Variants in SYNE1 observed in about 807,000 individuals in gnomAD.
The protein encoded by SYNE1 is nesprin-1.
In SYNE1, 616 loss-of-function variants were observed where a neutral mutation model predicts 1,111.0. The observed-to-expected ratio is 0.55, with a 90% confidence interval of 0.52 to 0.59. The LOEUF is 0.59. SYNE1 is among the 20% of genes least tolerant of loss of function. The probability of loss-of-function intolerance (pLI) is 0.00; values close to 1 mark genes in which losing one functional copy is unlikely to be tolerated. For synonymous variants in SYNE1, 3,855 were observed against 3,825.8 expected (o/e 1.01, Z -0.28); for missense variants, 10,006 against 10,417.0 (o/e 0.96, Z 1.72).
chr6:152,198,851 T>G (rs2074751892), intron 127 of SYNE1, among the ~76,000 whole-genome samples: 1 of 152,016 alleles, frequency 6.6e-6, no homozygotes, highest in African/African-American at 2.4e-5. Flanking sequence ...GTAACAAATA[T>G]AACAGTAAAG....
intron 85 of SYNE1, 68 bp from the exon 86 acceptor site, chr6:152,318,331 C>G (rs1046198036): frequency 3.2e-6 from 5 of 1,568,540 alleles, no homozygotes; most frequent in Non-Finnish European, 4.4e-6. Flanking sequence ...TTCCCGAGAT[C>G]AGACTGATTT....
chr6:152,154,340 A>T (rs1171813439), intron 133 of SYNE1, among the ~76,000 whole-genome samples: 2 of 152,120 alleles, frequency 1.3e-5, no homozygotes, highest in African/African-American at 4.8e-5. Flanking sequence ...AGTGTAATTG[A>T]AAAGTTTTGG....
chr6:152,436,147 AT>A (rs2098472220), intron 32 of SYNE1, 46 bp from the exon 33 acceptor site: 2 of 1,599,604 alleles, frequency 1.3e-6, no homozygotes, highest in Admixed American at 1.7e-5. Context: ...TATATTATTT[AT>A]CTCTGCCCTC....
At chr6:152,450,922 C>T (rs987726508) in intron 26 of SYNE1, 89 bp from the exon 27 acceptor site, 202 of 1,592,548 alleles carry the variant, frequency 1.3e-4, no homozygotes, top group South Asian at 2.0e-4. Flanking sequence ...AAGATTCCCA[C>T]GCAGACTACC....
Position 152,249,220 on chromosome 6 carries a change from A to T in SYNE1, c.19513T>A (p.Tyr6505Asn), listed in dbSNP as rs898251519. 1 of 1,614,078 alleles carries T rather than the reference A, an allele frequency of 6.2e-7. No homozygotes were observed. Among genetic ancestry groups the T allele is most frequent in the Non-Finnish European group, 8.5e-7 (1 of 1,179,962 alleles). The change falls in exon 105 of 146, where the codon TAC (tyrosine) becomes AAC (asparagine). Residue 6505 changes from tyrosine (Y) to asparagine (N), a missense_variant. Tyr to Asn is a moderately radical substitution (Grantham distance 143). Coordinates refer to ENST00000367255, the MANE Select transcript of SYNE1 (RefSeq NM_182961.4). ...TTTGCCAGTTTTTGCAGAATGATGT[A>T]TTTGTTGTCAGCCAGTGATGTAAAC... ...VLFTSLADNKYIILQKLANVF... is the reference protein window; with the variant it reads ...VLFTSLADNKNIILQKLANVF...
chr6:152,208,298 G>A lies in SYNE1; in HGVS notation c.22590-92C>T, dbSNP rs554191093. The A allele has an allele frequency of 3.1e-4, 360 of 1,142,956 alleles. 1 individual carries two copies. In the South Asian group the frequency reaches 3.8e-3, roughly 12 times the overall value. The allele number at this position is 1,142,956 out of a possible 1,614,324, so 70.8% of individuals were successfully genotyped here. A position where few individuals can be genotyped will look rare whatever the true frequency, so the allele number is the denominator to read the frequency against. ...ATGTATACACTGTCAACAACCCTAA[G>A]CCCTGAGAAGTGATCTAGGGCGGTG... On this transcript the variant is annotated intron_variant, in intron 124 of 145. Coordinates refer to ENST00000367255, the MANE Select transcript of SYNE1 (RefSeq NM_182961.4).
chr6:152,605,033 AGAGGGAGGGAGGGAGG>A (rs1233315733), intron 3 of SYNE1, among the ~76,000 whole-genome samples: 3 of 25,436 alleles, frequency 1.2e-4, no homozygotes, highest in Non-Finnish European at 2.0e-4. Context: ...AGAGAGAGAG[AGAGGGAGGGAGGGAGG>A]GAGGGAGGGA....
At chr6:152,534,746 C>T (rs373359755) in intron 4 of SYNE1, among the ~76,000 whole-genome samples, 2 of 152,072 alleles carry the variant, frequency 1.3e-5, no homozygotes, top group Non-Finnish European at 2.9e-5. Context: ...AAATTCTATT[C>T]GGAACATGTT....
intron 91 of SYNE1, among the ~76,000 whole-genome samples, chr6:152,302,579 T>C (rs926588388): frequency 1.3e-5 from 2 of 152,216 alleles, no homozygotes; most frequent in Admixed American, 6.5e-5. Context: ...AGCCTGTCTG[T>C]TCCTATGTCT....
chr6:152,570,453 G>C (rs549476198), intron 3 of SYNE1, among the ~76,000 whole-genome samples: 5 of 152,262 alleles, frequency 3.3e-5, no homozygotes, highest in Middle Eastern at 6.8e-3. Context: ...AGGTAGATGG[G>C]GTAGTCAGTG....
chr6:152,384,707 C>T (rs913715451), intron 55 of SYNE1, among the ~76,000 whole-genome samples: 1 of 151,990 alleles, frequency 6.6e-6, no homozygotes. Flanking sequence ...GAAGCCCCGT[C>T]TCTACTAAAA....
chr6:152,345,674 C>T (rs931946984), intron 73 of SYNE1, among the ~76,000 whole-genome samples: 2 of 151,924 alleles, frequency 1.3e-5, no homozygotes, highest in Admixed American at 1.3e-4. Flanking sequence ...ACTGGTATAT[C>T]ATCAGTTCTT....
At chr6:152,617,077 G>GCC (rs1196454786) in intron 3 of SYNE1, among the ~76,000 whole-genome samples, 1 of 152,136 alleles carries the variant, frequency 6.6e-6, no homozygotes, top group Admixed American at 6.6e-5. Context: ...CTCGGAGACT[G>GCC]AAGTCCCTCA....
intron 14 of SYNE1, chr6:152,472,619 C>T: frequency 1.4e-6 from 1 of 703,448 alleles, no homozygotes; most frequent in Non-Finnish European, 2.6e-6. Flanking sequence ...GCTGGAACTG[C>T]ATCTAATAAT....
Position 152,293,745 on chromosome 6 carries a change from C to A in SYNE1, c.17855G>T (p.Ser5952Ile). Residue 5952 changes from serine (S) to isoleucine (I), a missense_variant, in exon 95 of 146, where the codon AGT (serine) becomes ATT (isoleucine). Transcript: ENST00000367255. Reference sequence around the variant, plus strand: ...TTCATAGAGTGTGCGCTGCTTCTCACTGATCTACACCAGAAAAGGGATATT... The same window carrying A: ...TTCATAGAGTGTGCGCTGCTTCTCAATGATCTACACCAGAAAAGGGATATT... ...RSWETLKNVISEKQRTLYEAL... is the reference protein window; with the variant it reads ...RSWETLKNVIIEKQRTLYEAL... 2 of 1,586,482 alleles carry A rather than the reference C, an allele frequency of 1.3e-6. No individual in the cohort carries two copies. Among genetic ancestry groups the A allele is most frequent in the Non-Finnish European group, 1.7e-6 (2 of 1,167,816 alleles).
At chr6:152,587,436 A>G (rs943688459) in intron 3 of SYNE1, among the ~76,000 whole-genome samples, 8 of 152,186 alleles carry the variant, frequency 5.3e-5, no homozygotes, top group Non-Finnish European at 1.0e-4. Context: ...ACTGTGATAC[A>G]TATCACTGAA....
At chr6:152,388,842 T>C (rs1463420862) in intron 53 of SYNE1, among the ~76,000 whole-genome samples, 1 of 152,252 alleles carries the variant, frequency 6.6e-6, no homozygotes, top group African/African-American at 2.4e-5. Context: ...TAACATCTTA[T>C]TCTAACATCT....
chr6:152,269,789 T>C (rs2093050264), intron 98 of SYNE1, among the ~76,000 whole-genome samples: 1 of 152,166 alleles, frequency 6.6e-6, no homozygotes, highest in African/African-American at 2.4e-5. Flanking sequence ...TAAAAGATTA[T>C]TAATCAAAGA....
intron 3 of SYNE1, among the ~76,000 whole-genome samples, chr6:152,605,043 A>G (rs1462098602): frequency 2.9e-5 from 1 of 34,910 alleles, no homozygotes; most frequent in African/African-American, 1.2e-4. Context: ...AGAGGGAGGG[A>G]GGGAGGGAGG....
Sources: allele counts gnomAD v4.1 joint callset (sites outside exome capture counted in the v4.1 genomes callset), GRCh38; gene constraint gnomAD v4.1.1; transcripts MANE v1.5; gene names NCBI Gene and HGNC (gene_info 2026-07-23, HGNC 2026-07-21).